The following ANKRD55 variants were observed in gnomAD, a reference collection of about 807,000 sequenced individuals.
ANKRD55 encodes ankyrin repeat domain 55.
A neutral mutation model predicts 60.6 loss-of-function variants in ANKRD55; 41 were observed. The ratio of observed to expected loss-of-function variants is 0.68; its 90% CI spans 0.53 to 0.88. The LOEUF (loss-of-function observed/expected upper bound fraction) is 0.88. Among genes scored for constraint, ANKRD55 ranks in the 40% least tolerant of loss-of-function variants. The pLI is 0.00. For missense variants in ANKRD55, 732 were observed against 767.6 expected, an observed-to-expected ratio of 0.95 and a Z score of 0.55; for synonymous variants, 264 against 290.3, an observed-to-expected ratio of 0.91 and a Z score of 0.92.
intron 10 of ANKRD55, among the ~76,000 whole-genome samples, chr5:56,104,325 G>A (rs1375091538): frequency 2.0e-5 from 3 of 152,130 alleles, no homozygotes; most frequent in Admixed American, 2.0e-4. Flanking sequence ...CAAGTCACAC[G>A]CTAGGAAGGG....
At chr5:56,173,185 T>C (rs928632974) in intron 4 of ANKRD55, among the ~76,000 whole-genome samples, 1 of 152,176 alleles carries the variant, frequency 6.6e-6, no homozygotes, top group Non-Finnish European at 1.5e-5. Context: ...GTGTATGCCC[T>C]GAATTGCAAT....
chr5:56,166,091 T>TTTCTTTCTTTCTTTCTTTCTTTCTTTC (rs1561277584), intron 5 of ANKRD55, among the ~76,000 whole-genome samples: 562 of 18,828 alleles, frequency 0.03, 24 homozygotes, highest in Non-Finnish European at 0.046. Context: ...TTTCTTTTTC[T>TTTCTTTCTTTCTTTCTTTCTTTCTTTC]TTCTTTCTTT....
chr5:56,176,861 CT>C (rs1456954441), intron 3 of ANKRD55, among the ~76,000 whole-genome samples: 18 of 152,182 alleles, frequency 1.2e-4, no homozygotes, highest in African/African-American at 4.3e-4. Context: ...TTTTGATGAA[CT>C]TTGCAGGGCT....
chr5:56,103,334 A>G (rs942375134), intron 10 of ANKRD55, among the ~76,000 whole-genome samples: 2 of 152,244 alleles, frequency 1.3e-5, no homozygotes, highest in South Asian at 4.1e-4. Flanking sequence ...TACACCGTGA[A>G]AAATCAGCAA....
chr5:56,166,158 T>TTCCTTCCTTCC lies in ANKRD55; in HGVS notation c.422+4535_422+4536insGGAAGGAAGGA, dbSNP rs58740295. 6.5e-3 allele frequency among the ~76,000 whole-genome samples: 471 copies of TTCCTTCCTTCC among 72,418 alleles called. 28 individuals carry two copies. The highest frequency in any genetic ancestry group is 0.011 in the Middle Eastern group (2 of 174). 47.5% of individuals were successfully genotyped at this position (72,418 alleles called of 152,430 possible). A position where few individuals can be genotyped will look rare whatever the true frequency, so the allele number is the denominator to read the frequency against. On this transcript the variant is annotated intron_variant, in intron 5 of 11. Coordinates refer to ENST00000341048, the MANE Select transcript of ANKRD55 (RefSeq NM_024669.3). ...TCTTTCTTTCTTTCTTTCTTTCTTC[T>TTCCTTCCTTCC]TTCCTTCCTTCCTTCCTTCCTTCCT...
chr5:56,109,449 G>T (rs1404753135), intron 10 of ANKRD55, among the ~76,000 whole-genome samples: 1 of 151,910 alleles, frequency 6.6e-6, no homozygotes, highest in African/African-American at 2.4e-5. Flanking sequence ...TTAAAAACAA[G>T]CCAAGGTACT....
intron 5 of ANKRD55, among the ~76,000 whole-genome samples, chr5:56,166,114 CT>C (rs200717458): frequency 0.056 from 3,109 of 55,130 alleles, 151 homozygotes; most frequent in South Asian, 0.086. Flanking sequence ...TTCTTTCTTT[CT>C]TTCTTTCTTT....
At chr5:56,138,107 C>G (rs546879658) in intron 7 of ANKRD55, among the ~76,000 whole-genome samples, 2 of 150,128 alleles carry the variant, frequency 1.3e-5, no homozygotes, top group South Asian at 2.1e-4. Context: ...CTTTTGAAGA[C>G]AGTTTGGTGG....
chr5:56,135,298 T>TTG (rs1561264007), intron 7 of ANKRD55, among the ~76,000 whole-genome samples: 21 of 31,056 alleles, frequency 6.8e-4, no homozygotes, highest in East Asian at 5.0e-3. Flanking sequence ...CTGCTTGCTT[T>TTG]CTTTCTTTCT....
At chr5:56,113,985 A>AATATATATAT (rs1756812699) in intron 9 of ANKRD55, among the ~76,000 whole-genome samples, 1 of 54,726 alleles carries the variant, frequency 1.8e-5, no homozygotes, top group African/African-American at 8.1e-5. Flanking sequence ...AAATATGTAT[A>AATATATATAT]CTATATATAT....
At chr5:56,137,445 G>A (rs1757637243) in intron 7 of ANKRD55, 3 of 835,718 alleles carry the variant, frequency 3.6e-6, no homozygotes, top group South Asian at 1.3e-5. Flanking sequence ...GGAACAAAAT[G>A]TTCCTAAACC....
At chr5:56,215,086 T>C (rs1759770698) in intron 2 of ANKRD55, among the ~76,000 whole-genome samples, 1 of 149,678 alleles carries the variant, frequency 6.7e-6, no homozygotes, top group African/African-American at 2.4e-5. Flanking sequence ...AAAGAATTCT[T>C]TTTTTTTTTA....
At chr5:56,140,382 G>A (rs1757730427) in intron 7 of ANKRD55, among the ~76,000 whole-genome samples, 2 of 152,186 alleles carry the variant, frequency 1.3e-5, no homozygotes, top group South Asian at 4.1e-4. Flanking sequence ...CTCCAGAGCC[G>A]GGGTTCTTAG....
rs1200231265 is a variant in ANKRD55 at position 56,103,602 on chromosome 5, A to T, written c.1631-1016T>A. Among the ~76,000 whole-genome samples, 2 of 152,116 alleles carry T rather than the reference A, an allele frequency of 1.3e-5. 1 individual carries two copies. Among genetic ancestry groups the T allele is most frequent in the Admixed American group, 1.3e-4 (2 of 15,262 alleles). ...AAATGATATTACCTCTCAACACCTC[A>T]ATTTTTTCATATACAAAATGGTGAA... On this transcript the variant is annotated intron_variant, in intron 10 of 11. Coordinates refer to ENST00000341048, the MANE Select transcript of ANKRD55 (RefSeq NM_024669.3).
intron 10 of ANKRD55, among the ~76,000 whole-genome samples, chr5:56,104,807 G>T (rs931513010): frequency 2.7e-4 from 41 of 152,124 alleles, no homozygotes; most frequent in African/African-American, 9.2e-4. Flanking sequence ...GGAAAGACAG[G>T]TAAACATATG....
At chr5:56,195,965 T>C (rs1306034931) in intron 2 of ANKRD55, among the ~76,000 whole-genome samples, 1 of 152,212 alleles carries the variant, frequency 6.6e-6, no homozygotes, top group Non-Finnish European at 1.5e-5. Context: ...AGTGTGGACA[T>C]GAATTTTCAT....
intron 7 of ANKRD55, chr5:56,137,286 C>CTTA (rs1757631195): frequency 6.3e-7 from 1 of 1,591,414 alleles, no homozygotes; most frequent in Non-Finnish European, 8.5e-7. Flanking sequence ...TAATGCTGAA[C>CTTA]TTATGGGTTT....
intron 5 of ANKRD55, among the ~76,000 whole-genome samples, chr5:56,163,501 T>C (rs933334699): frequency 2.0e-5 from 3 of 152,082 alleles, no homozygotes; most frequent in Non-Finnish European, 2.9e-5. Context: ...GATCTCTGAG[T>C]AAGTGATGTA....
chr5:56,180,977 T>A (rs1311104108), intron 3 of ANKRD55, among the ~76,000 whole-genome samples: 1 of 152,170 alleles, frequency 6.6e-6, no homozygotes, highest in Non-Finnish European at 1.5e-5. Context: ...GGTGGGAGGA[T>A]CACCTGAGAG....
Sources: gnomAD v4.1 joint callset for allele counts (sites outside exome capture counted in the v4.1 genomes callset) on GRCh38, gnomAD v4.1.1 for gene constraint, MANE v1.5 for transcripts, NCBI Gene and HGNC (gene_info 2026-07-23, HGNC 2026-07-21) for gene names.